CSMD3: variants seen among roughly 807,000 people sequenced by gnomAD.
The protein encoded by CSMD3 is CUB and sushi domain-containing protein 3.
In CSMD3, 177 loss-of-function variants were observed where a neutral mutation model predicts 435.2. The ratio of observed to expected loss-of-function variants is 0.41; its 90% confidence interval spans 0.36 to 0.46. CSMD3 has a LOEUF of 0.46. Ranked by LOEUF, CSMD3 falls within the 20% of genes least tolerant of loss-of-function variation. CSMD3 has a pLI of 0.34. For missense variants in CSMD3, 4,265 were observed against 4,504.6 expected, an observed-to-expected ratio of 0.95 and a Z score of 1.52; for synonymous variants, 1,656 against 1,520.5, an observed-to-expected ratio of 1.09 and a Z score of -2.07.
chr8:112,257,084 T>A (rs567848351), intron 61 of CSMD3, among the ~76,000 whole-genome samples: 1 of 152,304 alleles, frequency 6.6e-6, no homozygotes, highest in African/African-American at 2.4e-5. Context: ...CATTTAAAAC[T>A]TTTAAAAAAT....
intron 1 of CSMD3, among the ~76,000 whole-genome samples, chr8:113,333,906 C>T (rs1048193706): frequency 1.3e-4 from 19 of 151,830 alleles, no homozygotes; most frequent in African/African-American, 4.6e-4. Flanking sequence ...ATGAGCTCAG[C>T]ATGTCTCTCC....
At chr8:112,561,817 T>C (rs774871766) in intron 24 of CSMD3, among the ~76,000 whole-genome samples, 2 of 151,710 alleles carry the variant, frequency 1.3e-5, no homozygotes, top group African/African-American at 2.4e-5. Flanking sequence ...GTTTTAAAAA[T>C]TCTGTGGCTT....
chr8:112,764,036 T>C (rs1437584221), intron 13 of CSMD3, among the ~76,000 whole-genome samples: 1 of 151,576 alleles, frequency 6.6e-6, no homozygotes, highest in African/African-American at 2.4e-5. Context: ...TGGTCCAACA[T>C]AATATCTTAC....
At chr8:112,800,505 A>T (rs1029967729) in intron 12 of CSMD3, among the ~76,000 whole-genome samples, 5 of 151,992 alleles carry the variant, frequency 3.3e-5, no homozygotes, top group African/African-American at 1.2e-4. Context: ...CATGTTCCTG[A>T]GGCAAGGTCA....
At chr8:112,947,728 A>G (rs1297679572) in intron 9 of CSMD3, 62 bp downstream of exon 9, 1 of 767,620 alleles carries the variant, frequency 1.3e-6, no homozygotes, top group Non-Finnish European at 2.3e-6. Flanking sequence ...GCTACTTTAA[A>G]GATTTAAATT....
rs544138587 is a variant in CSMD3 at position 112,399,542 on chromosome 8, A to ACT, written c.5809+6980_5809+6981dup. Reference sequence around the variant, plus strand: ...AGTACTGGGATTACAGTTGTGAGCCACTGTGCCTGGTCCCGATTTCCAATC... The same window carrying ACT: ...AGTACTGGGATTACAGTTGTGAGCCACTCTGTGCCTGGTCCCGATTTCCAATC... On this transcript the variant is annotated intron_variant, in intron 35 of 70. Transcript: ENST00000297405. 5.2e-4 allele frequency among the ~76,000 whole-genome samples: 79 copies of ACT among 152,278 alleles called. 1 individual carries two copies. Among genetic ancestry groups the ACT allele is most frequent in the Middle Eastern group, 3.4e-3 (1 of 294 alleles).
chr8:112,328,290 G>T (rs573999984), intron 45 of CSMD3, among the ~76,000 whole-genome samples: 1 of 152,262 alleles, frequency 6.6e-6, no homozygotes, highest in Non-Finnish European at 1.5e-5. Flanking sequence ...TATTTCACTT[G>T]AAAGCAGAAC....
At chr8:113,211,805 C>A (rs928258852) in intron 3 of CSMD3, among the ~76,000 whole-genome samples, 10 of 152,128 alleles carry the variant, frequency 6.6e-5, no homozygotes, top group Admixed American at 1.3e-4. Flanking sequence ...TATATGCCAC[C>A]TCAATAGAAG....
Position 112,320,051 on chromosome 8 carries a change from A to C in CSMD3, c.7166-70T>G, listed in dbSNP as rs1012593045. The C allele has an allele frequency of 3.1e-6, 3 of 971,036 alleles. No individual in the cohort carries two copies. In the East Asian group the frequency reaches 7.2e-5, roughly 23 times the overall value. 60.2% of individuals were successfully genotyped at this position (971,036 alleles called of 1,614,324 possible). On this transcript the variant is annotated intron_variant, in intron 45 of 70. Coordinates refer to ENST00000297405, the MANE Select transcript of CSMD3 (RefSeq NM_198123.2). ...ATGTATTCACATATGCAAAAAAACA[A>C]GAAAATTATGGAAAGTTGTTTAAAA...
At chr8:112,345,489 C>T (rs1825581506) in intron 41 of CSMD3, among the ~76,000 whole-genome samples, 2 of 151,940 alleles carry the variant, frequency 1.3e-5, no homozygotes, top group Admixed American at 6.6e-5. Flanking sequence ...TTAAGTCAGG[C>T]ACAGAAAGAC....
At chr8:113,236,501 T>C (rs2093151347) in intron 3 of CSMD3, among the ~76,000 whole-genome samples, 3 of 152,138 alleles carry the variant, frequency 2.0e-5, no homozygotes, top group Non-Finnish European at 4.4e-5. Flanking sequence ...TTCCACTCTA[T>C]AGTGCTCTCT....
chr8:113,352,979 C>A (rs796573122), intron 1 of CSMD3, among the ~76,000 whole-genome samples: 1 of 152,010 alleles, frequency 6.6e-6, no homozygotes, highest in Non-Finnish European at 1.5e-5. Context: ...CTAATTACTG[C>A]CATGGGGAAC....
At chr8:112,982,275 A>T (rs2085080983) in intron 6 of CSMD3, among the ~76,000 whole-genome samples, 1 of 151,928 alleles carries the variant, frequency 6.6e-6, no homozygotes, top group South Asian at 2.1e-4. Flanking sequence ...CTTTTTAAGT[A>T]ACTAAGTATA....
intron 4 of CSMD3, among the ~76,000 whole-genome samples, chr8:113,149,515 T>C (rs767750335): frequency 2.0e-5 from 3 of 151,926 alleles, no homozygotes; most frequent in Non-Finnish European, 4.4e-5. Flanking sequence ...TTGGTTTCCT[T>C]GACATGTATG....
intron 23 of CSMD3, among the ~76,000 whole-genome samples, chr8:112,576,963 G>C (rs1337915274): frequency 6.6e-6 from 1 of 151,914 alleles, no homozygotes; most frequent in Non-Finnish European, 1.5e-5. Flanking sequence ...AAGTACAGCT[G>C]GGTGAATATA....
At chr8:112,699,362 G>C (rs549199019) in intron 13 of CSMD3, among the ~76,000 whole-genome samples, 2 of 152,074 alleles carry the variant, frequency 1.3e-5, no homozygotes, top group Non-Finnish European at 2.9e-5. Flanking sequence ...AACATTCACC[G>C]CTAGGGTCCA....
At position 112,526,629 on chromosome 8, in the gene CSMD3, T is replaced by C. The variant is rs917327233; in HGVS notation, c.4565-9404A>G. Among the ~76,000 whole-genome samples the C allele has an allele frequency of 7.9e-5, 12 of 152,176 alleles. No individual in the cohort carries two copies. In the East Asian group the frequency reaches 2.3e-3, roughly 29 times the overall value. ...GAGCTTTGCTTTTATTATAAGGTTATGTACCACCAAAATTTACATTTGTAT... is the reference window on the plus strand; with the variant it reads ...GAGCTTTGCTTTTATTATAAGGTTACGTACCACCAAAATTTACATTTGTAT... On this transcript the variant is annotated intron_variant, in intron 27 of 70. Coordinates refer to ENST00000297405, the MANE Select transcript of CSMD3 (RefSeq NM_198123.2).
At chr8:112,295,747 T>C in intron 54 of CSMD3, 86 bp downstream of exon 54, 1 of 1,122,124 alleles carries the variant, frequency 8.9e-7, no homozygotes, top group Non-Finnish European at 1.3e-6. Context: ...TATAACAACA[T>C]AATATATATA....
intron 4 of CSMD3, among the ~76,000 whole-genome samples, chr8:113,140,595 T>C (rs534530683): frequency 2.8e-4 from 43 of 151,274 alleles, no homozygotes; most frequent in African/African-American, 1.0e-3. Context: ...CGGATATCTA[T>C]AACTCAGAGA....
Sources: gnomAD v4.1 joint callset for allele counts (sites outside exome capture counted in the v4.1 genomes callset) on GRCh38, gnomAD v4.1.1 for gene constraint, MANE v1.5 for transcripts, NCBI Gene and HGNC (gene_info 2026-07-23, HGNC 2026-07-21) for gene names.